TBC1D15: variants seen among roughly 807,000 people sequenced by gnomAD.
TBC1D15 encodes the protein TBC1 domain family member 15, also known as GAP for RAB7.
TBC1D15 carries 39 observed loss-of-function variants against 95.4 expected under a neutral mutation model. That is an observed-to-expected ratio of 0.41 (90% CI 0.32 to 0.53). The LOEUF (loss-of-function observed/expected upper bound fraction) is 0.53, where lower values mean the gene tolerates loss of function less well. Among genes scored for constraint, TBC1D15 ranks in the 20% least tolerant of loss-of-function variants. The pLI is 0.29. For synonymous variants in TBC1D15, 258 were observed against 261.3 expected (o/e 0.99, Z 0.12); for missense variants, 733 against 794.3 (o/e 0.92, Z 0.93).
chr12:71,920,404 T>TCTAA (rs1338749132), intron 14 of TBC1D15, among the ~76,000 whole-genome samples: 1 of 152,174 alleles, frequency 6.6e-6, no homozygotes, highest in Non-Finnish European at 1.5e-5. Context: ...TGAAAATACA[T>TCTAA]CTAACCCTTA....
At chr12:71,896,114 C>G (rs1898103284) in intron 8 of TBC1D15, 39 bp downstream of exon 8, 10 of 1,523,886 alleles carry the variant, frequency 6.6e-6, no homozygotes, top group Non-Finnish European at 8.0e-6. Flanking sequence ...CTTATAAACT[C>G]CTAGTATTTA....
At chr12:71,889,142 T>G (rs1362776070) in intron 5 of TBC1D15, among the ~76,000 whole-genome samples, 1 of 152,178 alleles carries the variant, frequency 6.6e-6, no homozygotes, top group African/African-American at 2.4e-5. Context: ...ATTGCACCCT[T>G]TAATAATCTG....
intron 1 of TBC1D15, among the ~76,000 whole-genome samples, chr12:71,856,561 G>GGATATATAT (rs980524954): frequency 6.6e-5 from 10 of 151,652 alleles, no homozygotes; most frequent in African/African-American, 1.5e-4. Flanking sequence ...TACCTTCTTG[G>GGATATATAT]GATATATATT....
chr12:71,897,780 C>G, intron 9 of TBC1D15, 67 bp from the exon 10 acceptor site: 2 of 1,177,758 alleles, frequency 1.7e-6, no homozygotes, highest in East Asian at 2.4e-5. Flanking sequence ...ATAGAAAAAC[C>G]CAATTAAACA....
intron 10 of TBC1D15, among the ~76,000 whole-genome samples, chr12:71,902,839 C>CT (rs564417953): frequency 3.9e-5 from 6 of 152,132 alleles, no homozygotes; most frequent in Non-Finnish European, 8.8e-5. Flanking sequence ...CTTCAAAGGT[C>CT]TAATACCCAG....
At chr12:71,855,945 G>A (rs1003726172) in intron 1 of TBC1D15, among the ~76,000 whole-genome samples, 1 of 148,944 alleles carries the variant, frequency 6.7e-6, no homozygotes, top group Admixed American at 6.7e-5. Context: ...GTTTTTTTTG[G>A]GGGGGGGTAT....
intron 1 of TBC1D15, among the ~76,000 whole-genome samples, chr12:71,871,576 A>T (rs916498302): frequency 6.6e-6 from 1 of 152,028 alleles, no homozygotes; most frequent in Non-Finnish European, 1.5e-5. Flanking sequence ...TGAAAAAAAA[A>T]TACTTATTTT....
In TBC1D15 at chr12:71,924,233, G is replaced by T. The variant is rs565552586; in HGVS notation, c.*1029G>T. 1 of 152,710 alleles carries T rather than the reference G, an allele frequency of 6.5e-6. No homozygotes were observed. The highest frequency in any genetic ancestry group is 2.1e-4 in the South Asian group (1 of 4,826). 9.5% of individuals were successfully genotyped at this position (152,710 alleles called of 1,614,324 possible). A position where few individuals can be genotyped will look rare whatever the true frequency, so the allele number is the denominator to read the frequency against. On this transcript the variant is annotated 3_prime_UTR_variant, in exon 17 of 17. Transcript: ENST00000485960. ...GCAGTATTGCATGATTTTAAGTTAT[G>T]TGGAATTAACATAACTGATTTTGTT...
intron 1 of TBC1D15, among the ~76,000 whole-genome samples, chr12:71,852,087 A>T (rs896356967): frequency 2.0e-5 from 3 of 151,986 alleles, no homozygotes; most frequent in Admixed American, 6.6e-5. Context: ...CTAGGCAGAG[A>T]CTCTCAAGCT....
chr12:71,889,065 C>T (rs958836743), intron 5 of TBC1D15, among the ~76,000 whole-genome samples: 1 of 152,094 alleles, frequency 6.6e-6, no homozygotes, highest in African/African-American at 2.4e-5. Context: ...GTGATTGAAA[C>T]TCTGAGAGAG....
At chr12:71,906,991 T>G in intron 10 of TBC1D15, 31 bp from the exon 11 acceptor site, 1 of 1,438,682 alleles carries the variant, frequency 7.0e-7, no homozygotes, top group Non-Finnish European at 9.6e-7. Flanking sequence ...TTTTGGAAGC[T>G]TTTCAAATAT....
chr12:71,922,050 A>T (rs1028316887), intron 16 of TBC1D15, among the ~76,000 whole-genome samples: 1 of 152,104 alleles, frequency 6.6e-6, no homozygotes, highest in African/African-American at 2.4e-5. Context: ...AGTAGCTGGG[A>T]TTACCAGTGC....
At chr12:71,899,653 G>A (rs1036562587) in intron 10 of TBC1D15, among the ~76,000 whole-genome samples, 2 of 152,100 alleles carry the variant, frequency 1.3e-5, no homozygotes, top group African/African-American at 2.4e-5. Flanking sequence ...AGACTCTATT[G>A]GAGCATTTTA....
chr12:71,872,754 A>G (rs1394628346), intron 2 of TBC1D15, among the ~76,000 whole-genome samples, 175 bp from the exon 3 acceptor site: 1 of 152,246 alleles, frequency 6.6e-6, no homozygotes, highest in Non-Finnish European at 1.5e-5. Flanking sequence ...TTTCATGATG[A>G]AAAGTAGGCA....
At chr12:71,911,357 A>T (rs1202060187) in intron 11 of TBC1D15, among the ~76,000 whole-genome samples, 5 of 152,100 alleles carry the variant, frequency 3.3e-5, no homozygotes. Context: ...ACAATAGCAA[A>T]GACTTGGAAC....
intron 10 of TBC1D15, 45 bp downstream of exon 10, chr12:71,897,986 T>C (rs1164956890): frequency 5.8e-6 from 8 of 1,385,864 alleles, no homozygotes; most frequent in East Asian, 2.3e-5. Flanking sequence ...GGGGATTACA[T>C]TGAAATCTTG....
At chr12:71,867,047 A>G (rs185332976) in intron 1 of TBC1D15, among the ~76,000 whole-genome samples, 3 of 152,354 alleles carry the variant, frequency 2.0e-5, no homozygotes, top group East Asian at 1.9e-4. Context: ...ACAATATTCA[A>G]TGAATGATCT....
intron 5 of TBC1D15, among the ~76,000 whole-genome samples, chr12:71,891,024 A>T (rs2138638162): frequency 6.6e-6 from 1 of 152,322 alleles, no homozygotes; most frequent in Non-Finnish European, 1.5e-5. Flanking sequence ...TGTATCATCA[A>T]ACAGCACCAA....
chr12:71,844,062 C>G (rs556732553), intron 1 of TBC1D15, among the ~76,000 whole-genome samples: 1 of 152,312 alleles, frequency 6.6e-6, no homozygotes, highest in African/African-American at 2.4e-5. Context: ...CCCTTCACCT[C>G]TCACATCTAA....
Sources: gnomAD v4.1 joint callset for allele counts (sites outside exome capture counted in the v4.1 genomes callset) on GRCh38, gnomAD v4.1.1 for gene constraint, MANE v1.5 for transcripts, NCBI Gene and HGNC (gene_info 2026-07-23, HGNC 2026-07-21) for gene names.